Variants in ZNF30 observed in about 807,000 individuals in gnomAD.
The protein encoded by ZNF30 is zinc finger protein 30 (KOX 28).
In ZNF30, 15 loss-of-function variants were observed where a neutral mutation model predicts 13.2. The observed-to-expected ratio is 1.13, with a 90% CI of 0.76 to 1.75. The LOEUF (loss-of-function observed/expected upper bound fraction) is 1.75. ZNF30 is among the 40% of genes most tolerant of loss of function. The probability of loss-of-function intolerance (pLI) is 0.00; values close to 1 mark genes in which losing one functional copy is unlikely to be tolerated. For synonymous variants in ZNF30, 223 were observed against 256.6 expected (o/e 0.87, Z 1.25); for missense variants, 726 against 757.0 (o/e 0.96, Z 0.48).
At chr19:34,934,584 T>G (rs1175681345) in intron 4 of ZNF30, among the ~76,000 whole-genome samples, 1 of 152,212 alleles carries the variant, frequency 6.6e-6, no homozygotes, top group African/African-American at 2.4e-5. Flanking sequence ...GATTATTTTC[T>G]AATGTAACTA....
intron 4 of ZNF30, among the ~76,000 whole-genome samples, chr19:34,937,539 C>T (rs2012805701): frequency 6.6e-6 from 1 of 151,944 alleles, no homozygotes; most frequent in Admixed American, 6.6e-5. Context: ...CGAGACCAGC[C>T]TGGGCAACAT....
At chr19:34,938,296 T>C (rs2546008) in intron 4 of ZNF30, among the ~76,000 whole-genome samples, 64,809 of 151,954 alleles carry the variant, frequency 0.43, 15,473 homozygotes, top group African/African-American at 0.66. Context: ...TTCTGAAGTA[T>C]CGGGTGGACA....
At chr19:34,939,023 A>G (rs1285938194) in intron 4 of ZNF30, among the ~76,000 whole-genome samples, 1 of 152,092 alleles carries the variant, frequency 6.6e-6, no homozygotes, top group Non-Finnish European at 1.5e-5. Flanking sequence ...GTGCCATTTA[A>G]AAGAGATTCT....
chr19:34,929,960 A>C lies in ZNF30; in HGVS notation c.9+4A>C. ...CAATTCTCAAAGCATGGCCCATGTA[A>C]GTTGGTGTTTCTTCTTGAAATATGG... On this transcript the variant is annotated splice_donor_region_variant and intron_variant, in intron 2 of 4. Transcript: ENST00000601142. 1 of 1,606,546 alleles carries C rather than the reference A, an allele frequency of 6.2e-7. No homozygotes were observed. Among genetic ancestry groups the C allele is most frequent in the Non-Finnish European group, 8.5e-7 (1 of 1,176,060 alleles).
At chr19:34,928,041 C>G in intron 1 of ZNF30, among the ~76,000 whole-genome samples, 1 of 151,158 alleles carries the variant, frequency 6.6e-6, no homozygotes, top group African/African-American at 2.4e-5. Context: ...CCCGTCTCTA[C>G]TAAAAATATA....
chr19:34,944,680 G>A lies in ZNF30; in HGVS notation c.1714G>A (p.Glu572Lys). 1 of 1,612,580 alleles carries A rather than the reference G, an allele frequency of 6.2e-7. No individual in the cohort carries two copies. The highest frequency in any genetic ancestry group is 8.5e-7 in the Non-Finnish European group (1 of 1,178,852). ...TGGTGAGAAACCTTTTGAATGTAAG[G>A]AATGCGGGAAGGCCTTTAGACTTAA... Reference protein sequence around the residue: ...HTGEKPFECKECGKAFRLNSF... With the variant: ...HTGEKPFECKKCGKAFRLNSF... The change falls in exon 5 of 5, where the codon GAA (glutamate) becomes AAA (lysine). Residue 572 changes from glutamate to lysine, a missense_variant. Glu to Lys is a moderately conservative substitution (Grantham distance 56). Transcript: ENST00000601142.
rs927065283 is a variant in ZNF30, at chr19:34,927,208, G to A, written c.-73G>A. 17 of 384,414 alleles carry A rather than the reference G, an allele frequency of 4.4e-5. No individual in the cohort carries two copies. Among genetic ancestry groups the A allele is most frequent in the Non-Finnish European group, 6.9e-5 (15 of 217,602 alleles). The allele number at this position is 384,414 out of a possible 1,614,324, so 23.8% of individuals were successfully genotyped here. On this transcript the variant is annotated 5_prime_UTR_variant, in exon 1 of 5. Coordinates refer to ENST00000601142, the MANE Select transcript of ZNF30 (RefSeq NM_194325.3). Reference sequence around the variant, plus strand: ...CCTGTGTCGGCGCGGAACCCGGACTGAGACATGCGTGAGCGTTGGGTGGAC... The same window carrying A: ...CCTGTGTCGGCGCGGAACCCGGACTAAGACATGCGTGAGCGTTGGGTGGAC...
chr19:34,944,414 C>T lies in ZNF30; in HGVS notation c.1448C>T (p.Pro483Leu). The change falls in exon 5 of 5, where the codon CCC (proline) becomes CTC (leucine). Residue 483 changes from proline to leucine, a missense_variant. Transcript: ENST00000601142. ...QHRKIHTDVK[P>L]YECKECGKTF... is the part of the protein sequence containing the mutation. ...CGGAAAATTCATACTGATGTAAAGCCCTATGAATGTAAGGAATGTGGAAAG... is the reference window on the plus strand; with the variant it reads ...CGGAAAATTCATACTGATGTAAAGCTCTATGAATGTAAGGAATGTGGAAAG... The T allele has an allele frequency of 5.6e-6, 9 of 1,614,072 alleles. No homozygotes were observed. The highest frequency in any genetic ancestry group is 7.6e-6 in the Non-Finnish European group (9 of 1,180,012).
chr19:34,931,256 C>T (rs530664836), intron 2 of ZNF30, among the ~76,000 whole-genome samples: 5 of 152,116 alleles, frequency 3.3e-5, no homozygotes, highest in Non-Finnish European at 5.9e-5. Flanking sequence ...AGGCTGGTCT[C>T]GAACTCCTGA....
chr19:34,932,213 T>C (rs2012488040), intron 3 of ZNF30, among the ~76,000 whole-genome samples: 1 of 152,218 alleles, frequency 6.6e-6, no homozygotes, highest in African/African-American at 2.4e-5. Flanking sequence ...TATTATGTTT[T>C]TGCTCTAAAT....
rs2013193038 is a variant in ZNF30 at position 34,944,040 on chromosome 19, C to T, written c.1074C>T (p.Phe358=). Residue 358 remains phenylalanine, a synonymous_variant, in exon 5 of 5, where the codon TTC becomes TTT. Transcript: ENST00000601142. ...ECGKAFRLSS[F]LHAHQRIHAE... The stretch of plus-strand genomic sequence containing the variant: ...GAAAGGCCTTTAGACTTAGTTCCTT[C>T]CTTCATGCACATCAGCGAATTCATG... 4.3e-6 allele frequency: 7 copies of T among 1,614,032 alleles called. No individual in the cohort carries two copies. The highest frequency in any genetic ancestry group is 5.9e-6 in the Non-Finnish European group (7 of 1,180,022).
chr19:34,930,257 A>G (rs564716884), intron 2 of ZNF30, among the ~76,000 whole-genome samples: 14 of 152,286 alleles, frequency 9.2e-5, no homozygotes, highest in African/African-American at 3.1e-4. Flanking sequence ...TCCTACATCC[A>G]TCTGTGGTTT....
intron 4 of ZNF30, among the ~76,000 whole-genome samples, chr19:34,937,293 G>A (rs1307430198): frequency 6.6e-6 from 1 of 152,090 alleles, no homozygotes; most frequent in Admixed American, 6.5e-5. Flanking sequence ...GATTACAGGC[G>A]TGAGCTACTG....
In ZNF30 at chr19:34,939,879, A is replaced by T. The variant is rs985937822; in HGVS notation, c.257-3344A>T. On this transcript the variant is annotated intron_variant, in intron 4 of 4. Coordinates refer to ENST00000601142, the MANE Select transcript of ZNF30 (RefSeq NM_194325.3). ...TGAGACGGAAAAATGTTCCCAGGAA[A>T]TTTATTCTTACACATGATTCTTACT... Among the ~76,000 whole-genome samples the T allele has an allele frequency of 2.6e-5, 4 of 152,364 alleles. No individual in the cohort carries two copies. In the South Asian group the frequency reaches 8.3e-4, roughly 32 times the overall value.
At chr19:34,926,717 G>C (rs1301068585), upstream of ZNF30, 1 of 383,828 alleles carries the variant, frequency 2.6e-6, no homozygotes, top group East Asian at 3.7e-5. Context: ...TTTTGTTTTT[G>C]CTTTTTCTGA....
chr19:34,923,845 T>C (rs747217498), upstream of ZNF30: 1 of 152,234 alleles, frequency 6.6e-6, no homozygotes, highest in Non-Finnish European at 1.5e-5. Context: ...CTATCCTAGT[T>C]GGAAACACAA....
intron 2 of ZNF30, among the ~76,000 whole-genome samples, chr19:34,930,885 C>T (rs1025011573): frequency 6.6e-6 from 1 of 151,854 alleles, no homozygotes. Flanking sequence ...AAAAAAACAG[C>T]AGCCAAAGTA....
chr19:34,944,286 C>A lies in ZNF30; in HGVS notation c.1320C>A (p.Arg440=), dbSNP rs764466873. 6.8e-6 allele frequency: 11 copies of A among 1,611,556 alleles called. No individual in the cohort carries two copies. The highest frequency in any genetic ancestry group is 9.3e-6 in the Non-Finnish European group (11 of 1,179,410). ...CKECGKAFIS[R]HQLTVHQRVH... is the part of the protein sequence containing the mutation. Reference sequence around the variant, plus strand: ...AATGTGGCAAAGCCTTTATTAGTCGCCATCAGCTTACCGTACATCAAAGGG... The same window carrying A: ...AATGTGGCAAAGCCTTTATTAGTCGACATCAGCTTACCGTACATCAAAGGG... Residue 440 remains arginine (R), a synonymous_variant, in exon 5 of 5, where the codon CGC becomes CGA. Transcript: ENST00000601142.
chr19:34,934,706 T>G (rs1415520007), intron 4 of ZNF30, among the ~76,000 whole-genome samples: 2 of 152,174 alleles, frequency 1.3e-5, no homozygotes, highest in South Asian at 4.1e-4. Context: ...GATGAGTTAT[T>G]ATGAGGCAGA....
Sources: gnomAD v4.1 joint callset for allele counts (sites outside exome capture counted in the v4.1 genomes callset) on GRCh38, gnomAD v4.1.1 for gene constraint, MANE v1.5 for transcripts, NCBI Gene and HGNC (gene_info 2026-07-23, HGNC 2026-07-21) for gene names.